The following ILKAP variants were observed in gnomAD, a reference collection of about 807,000 sequenced individuals.
The protein encoded by ILKAP is ILK associated serine/threonine phosphatase.
A neutral mutation model predicts 49.1 loss-of-function variants in ILKAP; 11 were observed. The observed-to-expected ratio is 0.22, with a 90% CI of 0.14 to 0.37. The LOEUF is 0.37. Among genes scored for constraint, ILKAP ranks in the 10% least tolerant of loss-of-function variants. ILKAP has a pLI of 1.00. For synonymous variants in ILKAP, 186 were observed against 192.8 expected, an observed-to-expected ratio of 0.96 and a Z score of 0.29; for missense variants, 363 against 510.8, an observed-to-expected ratio of 0.71 and a Z score of 2.79.
At chr2:238,195,782 C>T (rs181184215) in intron 1 of ILKAP, among the ~76,000 whole-genome samples, 6 of 152,236 alleles carry the variant, frequency 3.9e-5, no homozygotes, top group Admixed American at 3.9e-4. Context: ...GTGGCTCATG[C>T]CTATAAACCC....
At chr2:238,183,440 T>C (rs1028900876) in intron 8 of ILKAP, among the ~76,000 whole-genome samples, 23 of 152,184 alleles carry the variant, frequency 1.5e-4, no homozygotes, top group African/African-American at 5.1e-4. Flanking sequence ...AAGTCTATCA[T>C]AGGGCGTAAG....
At chr2:238,196,086 CTTTTTTTT>C (rs34504570) in intron 1 of ILKAP, among the ~76,000 whole-genome samples, 35 of 77,468 alleles carry the variant, frequency 4.5e-4, no homozygotes, top group African/African-American at 1.7e-3. Context: ...AACCAATTCA[CTTTTTTTT>C]TTTTTTTTTT....
At chr2:238,198,292 G>A (rs552752706) in intron 1 of ILKAP, among the ~76,000 whole-genome samples, 3 of 151,814 alleles carry the variant, frequency 2.0e-5, no homozygotes, top group Admixed American at 6.6e-5. Context: ...AGGTTGGAGT[G>A]CAGTGGTGTG....
chr2:238,183,092 C>T (rs770830621), intron 8 of ILKAP, among the ~76,000 whole-genome samples: 13 of 152,072 alleles, frequency 8.5e-5, no homozygotes, highest in African/African-American at 2.7e-4. Context: ...TCCAGCTTTC[C>T]GCAGCAGCAC....
At chr2:238,192,182 GC>G (rs1431306849) in intron 3 of ILKAP, among the ~76,000 whole-genome samples, 1 of 147,720 alleles carries the variant, frequency 6.8e-6, no homozygotes, top group Non-Finnish European at 1.5e-5. Flanking sequence ...ACTCCAGCCT[GC>G]CAACAGAGTG....
At chr2:238,194,443 T>G in intron 2 of ILKAP, 112 bp from the exon 3 acceptor site, 1 of 957,728 alleles carries the variant, frequency 1.0e-6, no homozygotes, top group Admixed American at 2.1e-5. Context: ...CTCAAAACTT[T>G]GCGTCAATCC....
In ILKAP at chr2:238,188,277, A is replaced by T; in HGVS notation, c.299-20T>A. The stretch of plus-strand genomic sequence containing the variant: ...AAGAGGCTAAGGAAAAGAGAACAAA[A>T]GAGCCAATACAAAACTGTGCCCAAC... On this transcript the variant is annotated intron_variant, in intron 4 of 11. Transcript: ENST00000254654. 6.2e-7 allele frequency: 1 copy of T among 1,611,392 alleles called. No individual in the cohort carries two copies. Among genetic ancestry groups the T allele is most frequent in the Non-Finnish European group, 8.5e-7 (1 of 1,178,768 alleles).
At chr2:238,199,665 T>C (rs1694488947) in intron 1 of ILKAP, among the ~76,000 whole-genome samples, 1 of 152,254 alleles carries the variant, frequency 6.6e-6, no homozygotes, top group Admixed American at 6.5e-5. Flanking sequence ...TGCAGAAATT[T>C]TAAATTTTTA....
chr2:238,185,241 G>A lies in ILKAP; in HGVS notation c.472C>T (p.Arg158Ter). 1.2e-6 allele frequency: 2 copies of A among 1,613,520 alleles called. No individual in the cohort carries two copies. Among genetic ancestry groups the A allele is most frequent in the Middle Eastern group, 1.7e-4 (1 of 6,060 alleles). The stretch of plus-strand genomic sequence containing the variant: ...TTCTGTGCAGCAAATTTTGAGGCTC[G>A]AATTCCTCCATGTCCATCAAAAACA... Reference protein sequence around the residue: ...FAVFDGHGGIRASKFAAQNLH... With the variant: ...FAVFDGHGGI The change falls in exon 6 of 12, where the codon CGA becomes TGA. Residue 158 changes from arginine (R) to a stop codon, truncating the protein, a stop_gained. Transcript: ENST00000254654. LOFTEE classifies it high-confidence loss of function.
intron 9 of ILKAP, 91 bp downstream of exon 9, chr2:238,181,957 CACACTGAAGACTACGTA>C: frequency 8.4e-7 from 1 of 1,185,102 alleles, no homozygotes; most frequent in African/African-American, 1.5e-5. Flanking sequence ...AGAGCCTCGT[CACACTGAAGACTACGTA>C]ACAGGGGAAG....
chr2:238,194,716 A>T (rs1694274874), intron 2 of ILKAP, 89 bp downstream of exon 2: 2 of 1,339,620 alleles, frequency 1.5e-6, no homozygotes, highest in Non-Finnish European at 1.1e-6. Context: ...TGTGTTGAAA[A>T]TGGGGGAAAG....
chr2:238,202,424 G>C (rs943308925), intron 1 of ILKAP, among the ~76,000 whole-genome samples: 1 of 152,052 alleles, frequency 6.6e-6, no homozygotes, highest in African/African-American at 2.4e-5. Context: ...TCAGAAAGCA[G>C]CTCTTAGAAA....
chr2:238,200,784 C>CTAG (rs1488206918), intron 1 of ILKAP, among the ~76,000 whole-genome samples: 1 of 152,240 alleles, frequency 6.6e-6, no homozygotes, highest in Admixed American at 6.5e-5. Context: ...GTTTATGTCA[C>CTAG]TGCACTCCAG....
chr2:238,189,596 A>C, intron 4 of ILKAP: 1 of 269,182 alleles, frequency 3.7e-6, no homozygotes, highest in South Asian at 5.5e-5. Context: ...TAAGAAAAAA[A>C]CCACCTGTAT....
At chr2:238,194,621 C>CAGAG in intron 2 of ILKAP, 184 bp downstream of exon 2, 2 of 639,416 alleles carry the variant, frequency 3.1e-6, no homozygotes, top group Non-Finnish European at 5.5e-6. Context: ...CAGTACTTCT[C>CAGAG]AGGGCTAGCG....
intron 1 of ILKAP, among the ~76,000 whole-genome samples, chr2:238,200,617 T>C (rs1318222457): frequency 1.3e-5 from 2 of 151,584 alleles, no homozygotes; most frequent in African/African-American, 2.4e-5. Context: ...GCCCCAGGAG[T>C]TCGAGAGCAG....
intron 10 of ILKAP, among the ~76,000 whole-genome samples, chr2:238,172,712 G>A (rs895525693): frequency 4.6e-5 from 7 of 152,224 alleles, no homozygotes; most frequent in Admixed American, 6.5e-5. Flanking sequence ...CTCTTCATCC[G>A]CAGCACTGGG....
At chr2:238,195,644 A>T (rs1401577275) in intron 1 of ILKAP, among the ~76,000 whole-genome samples, 4 of 152,200 alleles carry the variant, frequency 2.6e-5, no homozygotes, top group Admixed American at 2.0e-4. Context: ...GCACACAAGA[A>T]TCCAAGTTGA....
intron 4 of ILKAP, 84 bp from the exon 5 acceptor site, chr2:238,188,341 C>T (rs1693986897): frequency 4.7e-6 from 7 of 1,493,390 alleles, no homozygotes; most frequent in Non-Finnish European, 6.3e-6. Flanking sequence ...TGAGAGGGAA[C>T]TATGACTGTC....
Sources: allele counts gnomAD v4.1 joint callset (sites outside exome capture counted in the v4.1 genomes callset), GRCh38; gene constraint gnomAD v4.1.1; transcripts MANE v1.5; gene names NCBI Gene and HGNC (gene_info 2026-07-23, HGNC 2026-07-21).